The following SNRNP70 variants were observed in gnomAD, a reference collection of about 807,000 sequenced individuals.
SNRNP70 encodes the protein U1 small nuclear ribonucleoprotein 70 kDa.
SNRNP70 carries 8 observed loss-of-function variants against 50.5 expected under a neutral mutation model. The ratio of observed to expected loss-of-function variants is 0.16; its 90% CI spans 0.09 to 0.29. The LOEUF (loss-of-function observed/expected upper bound fraction) is 0.29, where lower values mean the gene tolerates loss of function less well. SNRNP70 is among the 10% of genes least tolerant of loss of function. SNRNP70 has a pLI of 1.00. For missense variants in SNRNP70, 529 were observed against 663.5 expected (o/e 0.80, Z 2.23); for synonymous variants, 320 against 252.9 (o/e 1.27, Z -2.52).
At chr19:49,086,960 C>T (rs900758015) in intron 2 of SNRNP70, among the ~76,000 whole-genome samples, 5 of 151,576 alleles carry the variant, frequency 3.3e-5, no homozygotes, top group Non-Finnish European at 7.4e-5. Flanking sequence ...CCGAGGCAGG[C>T]GGATCACTTG....
chr19:49,104,380 G>A lies in SNRNP70; in HGVS notation c.476-254G>A, dbSNP rs2040636160. On this transcript the variant is annotated intron_variant, in intron 7 of 9. Coordinates refer to ENST00000598441, the MANE Select transcript of SNRNP70 (RefSeq NM_003089.6). This position sits in a 1 kb window ranked among gnomAD's most constrained non-coding sequence, Gnocchi z 5.4. ...GAAGGGCCGGGGAGCCTAGGGGGTG[G>A]CGGGTGAGGGTGGACGTCTCCCCCG... 2.2e-6 allele frequency: 1 copy of A among 461,866 alleles called. No individual in the cohort carries two copies. 28.6% of individuals were successfully genotyped at this position (461,866 alleles called of 1,614,324 possible). A position where few individuals can be genotyped will look rare whatever the true frequency, so the allele number is the denominator to read the frequency against.
rs896075855 is a variant in SNRNP70 at position 49,104,306 on chromosome 19, C to T, written c.476-328C>T. On this transcript the variant is annotated intron_variant, in intron 7 of 9. Coordinates refer to ENST00000598441, the MANE Select transcript of SNRNP70 (RefSeq NM_003089.6). This position sits in a 1 kb window ranked among gnomAD's most constrained non-coding sequence, Gnocchi z 5.4. ...GAGTTAACCTTCAGTTTCTTTGCAG[C>T]GATTTTGGCCGCCCTGGCGGGAGGG... 12 of 287,346 alleles carry T rather than the reference C, an allele frequency of 4.2e-5. No individual in the cohort carries two copies. The highest frequency in any genetic ancestry group is 1.8e-4 in the African/African-American group (8 of 44,960). The allele number at this position is 287,346 out of a possible 1,614,324, so 17.8% of individuals were successfully genotyped here.
At position 49,104,675 on chromosome 19, in the gene SNRNP70, A is replaced by C; in HGVS notation, c.517A>C (p.Arg173=). 1 of 1,561,184 alleles carries C rather than the reference A, an allele frequency of 6.4e-7. No homozygotes were observed. The highest frequency in any genetic ancestry group is 8.7e-7 in the Non-Finnish European group (1 of 1,152,412). The change falls in exon 8 of 10, where the codon AGG becomes CGG. Residue 173 remains arginine, a synonymous_variant. Transcript: ENST00000598441. This position sits in a 1 kb window ranked among gnomAD's most constrained non-coding sequence, Gnocchi z 5.4. ...HADGKKIDGR[R]VLVDVERGRT... ...AGATGGCAAGAAGATTGATGGCAGGAGGGTCCTTGTGGACGTGGAGAGGGG... is the reference window on the plus strand; with the variant it reads ...AGATGGCAAGAAGATTGATGGCAGGCGGGTCCTTGTGGACGTGGAGAGGGG...
rs1184281469 is a variant in SNRNP70 at position 49,107,289 on chromosome 19, C to A, written c.578-336C>A. Among the ~76,000 whole-genome samples, 1 of 152,176 alleles carries A rather than the reference C, an allele frequency of 6.6e-6. No individual in the cohort carries two copies. Among genetic ancestry groups the A allele is most frequent in the Non-Finnish European group, 1.5e-5 (1 of 68,036 alleles). On this transcript the variant is annotated intron_variant, in intron 8 of 9. Transcript: ENST00000598441. This position sits in a 1 kb window ranked among gnomAD's most constrained non-coding sequence, Gnocchi z 6.0. ...AGATCACATTTTTGGGTGGAAAGAT[C>A]ATTGGCTTCGGGTTTCTGTGAGGGC...
intron 4 of SNRNP70, among the ~76,000 whole-genome samples, chr19:49,094,269 C>G (rs2122334210): frequency 6.6e-6 from 1 of 152,224 alleles, no homozygotes; most frequent in Non-Finnish European, 1.5e-5. Flanking sequence ...CTCTGGGAGG[C>G]TGAGGTGGGA....
chr19:49,089,084 A>G (rs181785430), intron 2 of SNRNP70, among the ~76,000 whole-genome samples: 1 of 152,336 alleles, frequency 6.6e-6, no homozygotes, highest in Non-Finnish European at 1.5e-5. Context: ...TGTCACCTGT[A>G]CCAGTGCTTT....
In SNRNP70 at chr19:49,085,467, C is replaced by T. The variant is rs1401330596; in HGVS notation, c.-180C>T. On this transcript the variant is annotated 5_prime_UTR_variant, in exon 1 of 10. Coordinates refer to ENST00000598441, the MANE Select transcript of SNRNP70 (RefSeq NM_003089.6). ...CCCTGCTCCAGTCGCTATCGGAGGC[C>T]GCGCGGGTGGCTGAGCAGCGGCCTG... 2 of 434,824 alleles carry T rather than the reference C, an allele frequency of 4.6e-6. No individual in the cohort carries two copies. The highest frequency in any genetic ancestry group is 4.7e-6 in the Non-Finnish European group (1 of 214,064). 26.9% of individuals were successfully genotyped at this position (434,824 alleles called of 1,614,324 possible).
Position 49,086,398 on chromosome 19 carries a change from C to T in SNRNP70, c.-10-7C>T. Reference sequence around the variant, plus strand: ...CTAACCTAAGGCTGTCCTGCTTCTGCTCTCAGACTTGGCAAGATGACCCAG... The same window carrying T: ...CTAACCTAAGGCTGTCCTGCTTCTGTTCTCAGACTTGGCAAGATGACCCAG... On this transcript the variant is annotated splice_polypyrimidine_tract_variant and splice_region_variant and intron_variant, in intron 1 of 9. Coordinates refer to ENST00000598441, the MANE Select transcript of SNRNP70 (RefSeq NM_003089.6). 6.2e-7 allele frequency: 1 copy of T among 1,610,960 alleles called. No individual in the cohort carries two copies. The highest frequency in any genetic ancestry group is 8.5e-7 in the Non-Finnish European group (1 of 1,178,166).
At position 49,086,709 on chromosome 19, in the gene SNRNP70, G is replaced by A. The variant is rs73945420; in HGVS notation, c.147+148G>A. The A allele has an allele frequency of 2.2e-3, 1,673 of 776,000 alleles. 19 individuals carry two copies. In the African/African-American group the frequency reaches 0.025, roughly 12 times the overall value. 48.1% of individuals were successfully genotyped at this position (776,000 alleles called of 1,614,324 possible). ...ATCCTCAGTTTCTCTGTTTTAAATG[G>A]GGTTGGAGCCGGGTGTCGGGTGTGG... On this transcript the variant is annotated intron_variant, in intron 2 of 9. Transcript: ENST00000598441.
chr19:49,093,414 C>T (rs983426585), intron 4 of SNRNP70, among the ~76,000 whole-genome samples: 9 of 150,828 alleles, frequency 6.0e-5, no homozygotes, highest in Non-Finnish European at 1.2e-4. Flanking sequence ...CGGTTCCACC[C>T]GGGCGTGGTG....
intron 6 of SNRNP70, among the ~76,000 whole-genome samples, chr19:49,099,278 T>G (rs907643760): frequency 2.6e-5 from 4 of 152,134 alleles, no homozygotes; most frequent in African/African-American, 9.7e-5. Flanking sequence ...TTCTGATACG[T>G]CTTTTAAAAA....
chr19:49,092,415 CCTT>C (rs937749943), intron 4 of SNRNP70, among the ~76,000 whole-genome samples: 11 of 149,418 alleles, frequency 7.4e-5, no homozygotes, highest in Admixed American at 2.7e-4. Flanking sequence ...TCACCCCCCT[CCTT>C]TTTTTTTTGA....
intron 6 of SNRNP70, 69 bp downstream of exon 6, chr19:49,098,773 GGAGA>G: frequency 7.7e-7 from 1 of 1,292,308 alleles, no homozygotes; most frequent in Non-Finnish European, 1.1e-6. Context: ...TGAGAGGGAG[GGAGA>G]GAGGTCCCAG....
intron 7 of SNRNP70, chr19:49,101,772 GA>G (rs1241421641): frequency 4.8e-5 from 21 of 435,544 alleles, no homozygotes; most frequent in African/African-American, 4.2e-4. Flanking sequence ...GAGGTGGGGG[GA>G]GGGGTCGGAT....
At chr19:49,090,594 C>T (rs2040435854) in intron 4 of SNRNP70, 74 bp downstream of exon 4, 1 of 1,404,680 alleles carries the variant, frequency 7.1e-7, no homozygotes, top group East Asian at 2.3e-5. Context: ...ATACCCAGGA[C>T]CCTGCTGTCT....
At chr19:49,089,056 A>G (rs1294222310) in intron 2 of SNRNP70, among the ~76,000 whole-genome samples, 1 of 152,206 alleles carries the variant, frequency 6.6e-6, no homozygotes, top group African/African-American at 2.4e-5. Context: ...GGTGTTTCCT[A>G]AATACTATAA....
chr19:49,106,420 GTTTC>G (rs2040669873), intron 8 of SNRNP70, among the ~76,000 whole-genome samples: 1 of 152,144 alleles, frequency 6.6e-6, no homozygotes, highest in East Asian at 1.9e-4. Flanking sequence ...CTGCTGTTTT[GTTTC>G]TTAAGATGTT....
chr19:49,101,927 C>A (rs1424072565), intron 7 of SNRNP70, among the ~76,000 whole-genome samples: 4 of 151,954 alleles, frequency 2.6e-5, no homozygotes, highest in South Asian at 4.1e-4. Flanking sequence ...CAACCCTGGC[C>A]CCCCACCCTG....
intron 6 of SNRNP70, among the ~76,000 whole-genome samples, chr19:49,099,151 G>A (rs1298351940): frequency 1.3e-5 from 2 of 152,220 alleles, no homozygotes; most frequent in East Asian, 3.8e-4. Flanking sequence ...GAAGTGCTCT[G>A]TGTCTGATTT....
Sources: gnomAD v4.1 joint callset for allele counts (sites outside exome capture counted in the v4.1 genomes callset) on GRCh38, gnomAD v4.1.1 for gene constraint, Gnocchi (gnomAD v3.1) non-coding constraint, MANE v1.5 for transcripts, NCBI Gene and HGNC (gene_info 2026-07-23, HGNC 2026-07-21) for gene names.